CMSS1: variants seen among roughly 807,000 people sequenced by gnomAD.
CMSS1 encodes protein CMSS1.
In CMSS1, 33 loss-of-function variants were observed where a neutral mutation model predicts 43.5. That is an observed-to-expected ratio of 0.76 (90% CI 0.57 to 1.01). The LOEUF is 1.01. CMSS1 is among the 50% of genes least tolerant of loss of function. The pLI, the probability that CMSS1 is intolerant of heterozygous loss-of-function variation, is 0.00. For missense variants in CMSS1, 313 were observed against 326.4 expected (o/e 0.96, Z 0.32); for synonymous variants, 115 against 117.2 (o/e 0.98, Z 0.12).
At chr3:99,987,396 G>A (rs1709373876) in intron 1 of CMSS1, among the ~76,000 whole-genome samples, 1 of 151,586 alleles carries the variant, frequency 6.6e-6, no homozygotes, top group Non-Finnish European at 1.5e-5. Context: ...GGGTGTGGTG[G>A]CATACACCTG....
At chr3:99,830,675 C>A in intron 1 of CMSS1, 1 of 436,664 alleles carries the variant, frequency 2.3e-6, no homozygotes, top group South Asian at 1.6e-5. Context: ...TTGTTTAGGA[C>A]ATGGAGTCAG....
At chr3:99,904,816 T>A (rs973139897) in intron 1 of CMSS1, among the ~76,000 whole-genome samples, 1 of 152,168 alleles carries the variant, frequency 6.6e-6, no homozygotes, top group Admixed American at 6.5e-5. Flanking sequence ...TCCCCCTAAT[T>A]TCACTGTTTC....
intron 1 of CMSS1, among the ~76,000 whole-genome samples, chr3:99,818,318 T>C (rs1942362936): frequency 6.6e-6 from 1 of 152,234 alleles, no homozygotes; most frequent in South Asian, 2.1e-4. Flanking sequence ...AAGACAGTTT[T>C]TGTGAAGAGA....
intron 1 of CMSS1, among the ~76,000 whole-genome samples, chr3:100,119,774 C>G (rs1388918693): frequency 6.6e-6 from 1 of 152,182 alleles, no homozygotes; most frequent in Non-Finnish European, 1.5e-5. Context: ...AACTTTTGTC[C>G]TAACAGACAT....
chr3:99,841,548 C>T (rs1943132201), intron 1 of CMSS1, among the ~76,000 whole-genome samples: 1 of 152,138 alleles, frequency 6.6e-6, no homozygotes, highest in African/African-American at 2.4e-5. Context: ...TCAGGAATGG[C>T]TGAGGACGAG....
intron 8 of CMSS1, among the ~76,000 whole-genome samples, chr3:100,174,468 T>C (rs908134248): frequency 2.0e-5 from 3 of 151,558 alleles, no homozygotes; most frequent in Admixed American, 1.3e-4. Context: ...CTCTACAGAG[T>C]TGTGAGACCT....
chr3:100,007,593 C>T (rs1710024038), intron 1 of CMSS1, among the ~76,000 whole-genome samples: 1 of 152,126 alleles, frequency 6.6e-6, no homozygotes, highest in South Asian at 2.1e-4. Flanking sequence ...GACTGAGGCA[C>T]AGAGAGGCCC....
intron 1 of CMSS1, among the ~76,000 whole-genome samples, chr3:100,091,537 A>G (rs908255056): frequency 6.6e-6 from 1 of 152,246 alleles, no homozygotes; most frequent in African/African-American, 2.4e-5. Flanking sequence ...GTTCCCAGCC[A>G]TAAGCATCAT....
intron 2 of CMSS1, among the ~76,000 whole-genome samples, chr3:100,153,525 C>T (rs916162390): frequency 6.6e-6 from 1 of 152,214 alleles, no homozygotes; most frequent in African/African-American, 2.4e-5. Context: ...GGCCTCTCCC[C>T]TTCACTTGCA....
intron 1 of CMSS1, among the ~76,000 whole-genome samples, chr3:100,032,324 C>T (rs1173017609): frequency 1.3e-5 from 2 of 152,128 alleles, no homozygotes; most frequent in Non-Finnish European, 1.5e-5. Context: ...TTTTGATTTA[C>T]TCTCTTAAGA....
chr3:99,823,938 T>C (rs1187711818), intron 1 of CMSS1, among the ~76,000 whole-genome samples: 4 of 151,550 alleles, frequency 2.6e-5, no homozygotes, highest in Non-Finnish European at 5.9e-5. Context: ...TTTTTTTTTT[T>C]TTGAGCTGGA....
chr3:100,084,921 G>C (rs139809969), intron 1 of CMSS1, among the ~76,000 whole-genome samples: 101 of 152,300 alleles, frequency 6.6e-4, no homozygotes, highest in Non-Finnish European at 1.1e-3. Context: ...ACTATGTAAA[G>C]GTAATGTAAT....
intron 1 of CMSS1, among the ~76,000 whole-genome samples, chr3:100,050,083 A>G (rs1247378346): frequency 1.3e-5 from 2 of 152,196 alleles, no homozygotes; most frequent in African/African-American, 4.8e-5. Context: ...TTTTTTAATC[A>G]CACAGACTCA....
intron 1 of CMSS1, among the ~76,000 whole-genome samples, chr3:99,995,731 A>G (rs1709659025): frequency 6.6e-6 from 1 of 152,168 alleles, no homozygotes; most frequent in South Asian, 2.1e-4. Context: ...CACAGGTTCA[A>G]CACCACGTGG....
At chr3:99,865,511 T>C (rs1234700155) in intron 1 of CMSS1, among the ~76,000 whole-genome samples, 2 of 152,178 alleles carry the variant, frequency 1.3e-5, no homozygotes, top group African/African-American at 2.4e-5. Flanking sequence ...CTTGAGACAT[T>C]AGCAAATATT....
chr3:100,047,282 A>T (rs928703587), intron 1 of CMSS1, among the ~76,000 whole-genome samples: 14 of 152,248 alleles, frequency 9.2e-5, no homozygotes, highest in African/African-American at 3.4e-4. Context: ...TTTAGAAGAA[A>T]AAAAGGTTTT....
chr3:100,181,701 T>C lies in CMSS1; in HGVS notation c.*3313T>C, dbSNP rs2067185415. On this transcript the variant is annotated 3_prime_UTR_variant, in exon 10 of 10. Transcript: ENST00000421999. Reference sequence around the variant, plus strand: ...GGATTTGTCTGTAATGTTCTCATGATTTGATTAAAGTTATGCATTTTTTGA... The same window carrying C: ...GGATTTGTCTGTAATGTTCTCATGACTTGATTAAAGTTATGCATTTTTTGA... 6.6e-6 allele frequency: 1 copy of C among 152,254 alleles called. No homozygotes were observed. Among genetic ancestry groups the C allele is most frequent in the African/African-American group, 2.4e-5 (1 of 41,466 alleles). The allele number at this position is 152,254 out of a possible 1,614,324, so 9.4% of individuals were successfully genotyped here.
intron 1 of CMSS1, among the ~76,000 whole-genome samples, chr3:99,983,444 ATG>A (rs1423435252): frequency 1.4e-3 from 43 of 29,958 alleles, no homozygotes; most frequent in Admixed American, 2.9e-3. Context: ...ATATATATGT[ATG>A]TATATATATA....
intron 1 of CMSS1, among the ~76,000 whole-genome samples, chr3:100,026,915 C>T (rs1451847788): frequency 1.3e-5 from 2 of 152,126 alleles, no homozygotes; most frequent in Admixed American, 1.3e-4. Context: ...AAGATCCTCC[C>T]AATAACCCAT....
Sources: gnomAD v4.1 joint callset for allele counts (sites outside exome capture counted in the v4.1 genomes callset) on GRCh38, gnomAD v4.1.1 for gene constraint, MANE v1.5 for transcripts, NCBI Gene and HGNC (gene_info 2026-07-23, HGNC 2026-07-21) for gene names.